Variants in LRRK2 observed in about 807,000 individuals in gnomAD.
LRRK2 encodes the protein leucine-rich repeat serine/threonine-protein kinase 2.
In LRRK2, 203 loss-of-function variants were observed where a neutral mutation model predicts 302.6. That is an observed-to-expected ratio of 0.67 (90% CI 0.60 to 0.75). The LOEUF is 0.75. Among genes scored for constraint, LRRK2 ranks in the 30% least tolerant of loss-of-function variants. The pLI, the probability that LRRK2 is intolerant of heterozygous loss-of-function variation, is 0.00. For missense variants in LRRK2, 2,830 were observed against 2,951.0 expected, an observed-to-expected ratio of 0.96 and a Z score of 0.95; for synonymous variants, 1,066 against 1,031.9, an observed-to-expected ratio of 1.03 and a Z score of -0.63.
At chr12:40,266,420 A>G (rs1158391796) in intron 14 of LRRK2, among the ~76,000 whole-genome samples, 2 of 152,260 alleles carry the variant, frequency 1.3e-5, no homozygotes, top group Non-Finnish European at 2.9e-5. Context: ...ATCATTGGCC[A>G]TCAGAGAAAT....
chr12:40,312,975 T>G (rs1286439793), intron 31 of LRRK2: 1 of 114,552 alleles, frequency 8.7e-6, no homozygotes, highest in Non-Finnish European at 1.9e-5. Context: ...GAGTAACCAT[T>G]TGCAGGTAAA....
chr12:40,321,256 A>C, intron 35 of LRRK2, 68 bp downstream of exon 35: 1 of 1,442,914 alleles, frequency 6.9e-7, no homozygotes, highest in Non-Finnish European at 9.5e-7. Context: ...ATTTTTAGAG[A>C]AATTAGGGAG....
chr12:40,290,996 C>T (rs1295416391), intron 20 of LRRK2, among the ~76,000 whole-genome samples: 1 of 151,862 alleles, frequency 6.6e-6, no homozygotes, highest in Non-Finnish European at 1.5e-5. Context: ...TTGATGTGTC[C>T]TCTTTCTATT....
chr12:40,331,149 G>T (rs1303381223), intron 39 of LRRK2, among the ~76,000 whole-genome samples: 1 of 151,944 alleles, frequency 6.6e-6, no homozygotes, highest in Non-Finnish European at 1.5e-5. Context: ...AGTAGTTTTG[G>T]GTGACTTCGT....
At chr12:40,226,067 C>A (rs1341812904) in intron 2 of LRRK2, among the ~76,000 whole-genome samples, 2 of 152,160 alleles carry the variant, frequency 1.3e-5, no homozygotes, top group Non-Finnish European at 2.9e-5. Flanking sequence ...AACTTTGTCA[C>A]TAGCAAACTC....
chr12:40,314,815 T>C (rs768101275), intron 32 of LRRK2, among the ~76,000 whole-genome samples: 1 of 152,010 alleles, frequency 6.6e-6, no homozygotes, highest in Non-Finnish European at 1.5e-5. Context: ...CTTCCCGTGG[T>C]TTATGATCTG....
intron 14 of LRRK2, among the ~76,000 whole-genome samples, chr12:40,269,400 G>T (rs1943144909): frequency 6.6e-6 from 1 of 152,096 alleles, no homozygotes. Flanking sequence ...GGAATAGCTG[G>T]TGAGACATCT....
rs36024911 is a variant in LRRK2 at position 40,235,793 on chromosome 12, G to GTTTT, written c.436+95_436+98dup. 4.3e-3 allele frequency: 1,971 copies of GTTTT among 460,430 alleles called. 1 individual carries two copies. Among genetic ancestry groups the GTTTT allele is most frequent in the East Asian group, 0.01 (234 of 22,720 alleles). The allele number at this position is 460,430 out of a possible 1,614,324, so 28.5% of individuals were successfully genotyped here. On this transcript the variant is annotated intron_variant, in intron 4 of 50. Transcript: ENST00000298910. Reference sequence around the variant, plus strand: ...CCATTAAGTAAATGTGTGTGTGTGTGTTTTTTTTTTTTTTTTTTTGAAGAT... The same window carrying GTTTT: ...CCATTAAGTAAATGTGTGTGTGTGTGTTTTTTTTTTTTTTTTTTTTTTTGAAGAT...
At chr12:40,294,983 C>T in intron 22 of LRRK2, 69 bp downstream of exon 22, 1 of 935,980 alleles carries the variant, frequency 1.1e-6, no homozygotes, top group Non-Finnish European at 1.7e-6. Flanking sequence ...GTTGAATTTC[C>T]TCCAATTATT....
intron 39 of LRRK2, among the ~76,000 whole-genome samples, chr12:40,332,960 T>TAAAA (rs35031086): frequency 7.0e-6 from 1 of 142,078 alleles, no homozygotes. Flanking sequence ...CTTCTTCTCT[T>TAAAA]AAAAAAAAAA....
At chr12:40,357,735 A>G (rs1379460775) in intron 46 of LRRK2, among the ~76,000 whole-genome samples, 1 of 151,954 alleles carries the variant, frequency 6.6e-6, no homozygotes, top group Non-Finnish European at 1.5e-5. Flanking sequence ...GGCCATTACT[A>G]TGTCTTCTTT....
chr12:40,300,119 A>G (rs1944570573), intron 25 of LRRK2, among the ~76,000 whole-genome samples: 1 of 152,168 alleles, frequency 6.6e-6, no homozygotes, highest in Admixed American at 6.6e-5. Context: ...TTGTATGATA[A>G]ATATGATTAC....
chr12:40,343,977 A>G (rs1167531333), intron 41 of LRRK2, among the ~76,000 whole-genome samples: 2 of 152,212 alleles, frequency 1.3e-5, no homozygotes, highest in Admixed American at 6.5e-5. Flanking sequence ...GATCATGCCA[A>G]TGAAGATATT....
At position 40,278,248 on chromosome 12, in the gene LRRK2, C is replaced by G; in HGVS notation, c.2228C>G (p.Ser743Cys). ...ADANQAKEGS[S>C]LICQVCEKES... The stretch of plus-strand genomic sequence containing the variant: ...GCCAATCAAGCAAAGGAGGGATCTT[C>G]TTTAATTTGTCAGGTAAATATTCAA... Residue 743 changes from serine to cysteine, a missense_variant, in exon 18 of 51, where the codon TCT becomes TGT. Ser to Cys is a moderately radical substitution (Grantham distance 112). Around this residue, in one of 3 missense-constraint regions of LRRK2, gnomAD observed 2,121 missense variants for 2,148.0 expected, o/e 0.99. Coordinates refer to ENST00000298910, the MANE Select transcript of LRRK2 (RefSeq NM_198578.4). 6.2e-7 allele frequency: 1 copy of G among 1,614,068 alleles called. No homozygotes were observed. The highest frequency in any genetic ancestry group is 8.5e-7 in the Non-Finnish European group (1 of 1,179,988).
chr12:40,322,236 A>G, intron 36 of LRRK2, 55 bp downstream of exon 36: 1 of 711,238 alleles, frequency 1.4e-6, no homozygotes, highest in Non-Finnish European at 2.1e-6. Flanking sequence ...ATTTAAACTT[A>G]AAAAAAAAAA....
At chr12:40,288,345 C>A (rs1050951312) in intron 20 of LRRK2, among the ~76,000 whole-genome samples, 1 of 151,710 alleles carries the variant, frequency 6.6e-6, no homozygotes, top group Non-Finnish European at 1.5e-5. Context: ...TGGTCATTGT[C>A]GCTATTAAGT....
At position 40,322,447 on chromosome 12, in the gene LRRK2, T is replaced by G; in HGVS notation, c.5446T>G (p.Phe1816Val). The change falls in exon 37 of 51, where the codon TTT (phenylalanine) becomes GTT (valine). Residue 1816 changes from phenylalanine (F) to valine (V), a missense_variant. Physicochemically the swap from Phe to Val is conservative, Grantham distance 50. Transcript: ENST00000298910. ...GTTGAAGAAATGGGCATTATATAGT[T>G]TTAATGATGGTGAAGAACATCAAAA... Reference protein sequence around the residue: ...TLLKKWALYSFNDGEEHQKIL... With the variant: ...TLLKKWALYSVNDGEEHQKIL... The G allele has an allele frequency of 6.2e-7, 1 of 1,613,434 alleles. No individual in the cohort carries two copies. The highest frequency in any genetic ancestry group is 8.5e-7 in the Non-Finnish European group (1 of 1,179,524).
chr12:40,248,727 C>T (rs1310654552), intron 7 of LRRK2, among the ~76,000 whole-genome samples: 2 of 152,154 alleles, frequency 1.3e-5, no homozygotes, highest in East Asian at 1.9e-4. Flanking sequence ...AACATAAGTC[C>T]AGTCTTCCTG....
intron 49 of LRRK2, chr12:40,366,396 T>C (rs941836207): frequency 4.6e-5 from 7 of 152,066 alleles, no homozygotes; most frequent in Admixed American, 4.6e-4. Context: ...TGCATAGTTT[T>C]GATCATGGTC....
Sources: gnomAD v4.1 joint callset for allele counts (sites outside exome capture counted in the v4.1 genomes callset) on GRCh38, gnomAD v4.1.1 for gene constraint, gnomAD v4.1.1 regional missense constraint, MANE v1.5 for transcripts, NCBI Gene and HGNC (gene_info 2026-07-23, HGNC 2026-07-21) for gene names.